ACVR1C: variants seen among roughly 807,000 people sequenced by gnomAD.
The protein encoded by ACVR1C is activin receptor type-1C.
In ACVR1C, 23 loss-of-function variants were observed where a neutral mutation model predicts 57.9. That is an observed-to-expected ratio of 0.40 (90% confidence interval 0.29 to 0.56). The LOEUF is 0.56. Ranked by LOEUF, ACVR1C falls within the 20% of genes least tolerant of loss-of-function variation. The pLI is 0.50. For synonymous variants in ACVR1C, 214 were observed against 215.3 expected, an observed-to-expected ratio of 0.99 and a Z score of 0.05; for missense variants, 480 against 607.9, an observed-to-expected ratio of 0.79 and a Z score of 2.21.
intron 1 of ACVR1C, among the ~76,000 whole-genome samples, chr2:157,588,291 T>A (rs1484990494): frequency 6.6e-6 from 1 of 151,558 alleles, no homozygotes; most frequent in Non-Finnish European, 1.5e-5. Flanking sequence ...CTAACTCACA[T>A]GTCCAAAGTG....
intron 1 of ACVR1C, among the ~76,000 whole-genome samples, chr2:157,621,090 G>A (rs1682761161): frequency 6.6e-6 from 1 of 152,032 alleles, no homozygotes; most frequent in Non-Finnish European, 1.5e-5. Context: ...AATTTAAATT[G>A]TTTTAAAAAA....
At chr2:157,539,105 T>C (rs574081266) in intron 7 of ACVR1C, among the ~76,000 whole-genome samples, 1 of 152,056 alleles carries the variant, frequency 6.6e-6, no homozygotes, top group East Asian at 1.9e-4. Flanking sequence ...ATGCCTACTT[T>C]CTTCTGATTA....
intron 2 of ACVR1C, among the ~76,000 whole-genome samples, chr2:157,563,637 A>G (rs1688293489): frequency 6.6e-6 from 1 of 152,204 alleles, no homozygotes; most frequent in African/African-American, 2.4e-5. Context: ...ATATGGAACC[A>G]AAAAAGAGCC....
chr2:157,611,777 G>T (rs1339794488), intron 1 of ACVR1C, among the ~76,000 whole-genome samples: 1 of 152,144 alleles, frequency 6.6e-6, no homozygotes, highest in African/African-American at 2.4e-5. Context: ...GATGCCAGAG[G>T]TGGTGAAATG....
chr2:157,539,236 G>A (rs997033055), intron 7 of ACVR1C, among the ~76,000 whole-genome samples: 3 of 151,974 alleles, frequency 2.0e-5, no homozygotes, highest in African/African-American at 4.8e-5. Flanking sequence ...TCTTTTTAAC[G>A]TTGGGTTTCT....
At chr2:157,602,132 A>T (rs1196198406) in intron 1 of ACVR1C, among the ~76,000 whole-genome samples, 1 of 150,118 alleles carries the variant, frequency 6.7e-6, no homozygotes. Context: ...TCGTTAAAAT[A>T]AAAAAAAAAT....
intron 2 of ACVR1C, 58 bp downstream of exon 2, chr2:157,587,129 T>A (rs966626735): frequency 7.1e-7 from 1 of 1,409,914 alleles, no homozygotes; most frequent in African/African-American, 1.4e-5. Flanking sequence ...TTCCTACCAT[T>A]CTTATAGTTT....
chr2:157,533,751 C>A lies in ACVR1C; in HGVS notation c.*167G>T. 3 of 482,856 alleles carry A rather than the reference C, an allele frequency of 6.2e-6. No individual in the cohort carries two copies. Among genetic ancestry groups the A allele is most frequent in the Non-Finnish European group, 9.7e-6 (3 of 308,920 alleles). The allele number at this position is 482,856 out of a possible 1,614,324, so 29.9% of individuals were successfully genotyped here. On this transcript the variant is annotated 3_prime_UTR_variant, in exon 9 of 9. Transcript: ENST00000243349. ...GAGATTGGATGAAGTCAACTCCTGC[C>A]CATGCTTAACTTTAGAGTTATCTTT...
At position 157,611,003 on chromosome 2, in the gene ACVR1C, A is replaced by G. The variant is rs573243350; in HGVS notation, c.73+17569T>C. On this transcript the variant is annotated intron_variant, in intron 1 of 8. Transcript: ENST00000243349. ...AGATTCTTTAAACTCAACAATTTGAATTCTTTATCTGGGATTTGTAGAATT... is the reference window on the plus strand; with the variant it reads ...AGATTCTTTAAACTCAACAATTTGAGTTCTTTATCTGGGATTTGTAGAATT... Among the ~76,000 whole-genome samples the G allele has an allele frequency of 1.6e-3, 244 of 152,192 alleles. 1 individual carries two copies. Among genetic ancestry groups the G allele is most frequent in the African/African-American group, 5.7e-3 (238 of 41,536 alleles).
intron 2 of ACVR1C, among the ~76,000 whole-genome samples, chr2:157,570,379 G>A (rs1453683714): frequency 1.8e-5 from 1 of 54,532 alleles, no homozygotes; most frequent in East Asian, 4.1e-4. Flanking sequence ...TCAGGCAGGA[G>A]AAGGAAATAA....
chr2:157,543,915 T>G (rs1035901089), intron 5 of ACVR1C, among the ~76,000 whole-genome samples: 4 of 152,024 alleles, frequency 2.6e-5, no homozygotes, highest in African/African-American at 9.7e-5. Context: ...ATAGAACCAC[T>G]AGGAATAAAT....
At chr2:157,552,083 C>G (rs1401816615) in intron 3 of ACVR1C, among the ~76,000 whole-genome samples, 1 of 152,168 alleles carries the variant, frequency 6.6e-6, no homozygotes, top group Non-Finnish European at 1.5e-5. Flanking sequence ...GCAAACTGTT[C>G]CTGTCTAGAA....
At position 157,529,478 on chromosome 2, in the gene ACVR1C, G is replaced by A. The variant is rs575075107; in HGVS notation, c.*4440C>T. ...ATTCAAGGTAGGTTTAGATGCATGC[G>A]AATTAATTTTTAATCAGTAAAAGTT... is the stretch of plus-strand genomic sequence containing the variant. On this transcript the variant is annotated 3_prime_UTR_variant, in exon 9 of 9. Transcript: ENST00000243349. 3.3e-5 allele frequency: 5 copies of A among 152,148 alleles called. No individual in the cohort carries two copies. The highest frequency in any genetic ancestry group is 4.1e-4 in the South Asian group (2 of 4,828). The allele number at this position is 152,148 out of a possible 1,614,324, so 9.4% of individuals were successfully genotyped here.
intron 1 of ACVR1C, among the ~76,000 whole-genome samples, chr2:157,588,280 A>T (rs1688975745): frequency 6.6e-6 from 1 of 151,424 alleles, no homozygotes; most frequent in South Asian, 2.1e-4. Context: ...CACATTCACC[A>T]CTAACTCACA....
rs762668278 is a variant in ACVR1C, at chr2:157,550,189, G to T, written c.748C>A (p.Leu250Ile). Residue 250 changes from leucine to isoleucine, a missense_variant, in exon 4 of 9, where the codon CTT (leucine) becomes ATT (isoleucine). Coordinates refer to ENST00000243349, the MANE Select transcript of ACVR1C (RefSeq NM_145259.3). Reference sequence around the variant, plus strand: ...TTGTTGTCAGCAGCAATGAAACCAAGGATGTTTTCATGTCGCAGCATGACC... The same window carrying T: ...TTGTTGTCAGCAGCAATGAAACCAATGATGTTTTCATGTCGCAGCATGACC... ...QTVMLRHENI[L>I]GFIAADNKDN... is the part of the protein sequence containing the mutation. 1.2e-6 allele frequency: 2 copies of T among 1,613,978 alleles called. No individual in the cohort carries two copies. The highest frequency in any genetic ancestry group is 2.2e-5 in the South Asian group (2 of 91,078).
intron 1 of ACVR1C, among the ~76,000 whole-genome samples, chr2:157,608,424 A>T (rs1682456212): frequency 1.3e-5 from 2 of 151,934 alleles, no homozygotes; most frequent in African/African-American, 2.4e-5. Context: ...TTTGTTCATC[A>T]GGGATATTGG....
At position 157,541,093 on chromosome 2, in the gene ACVR1C, C is replaced by T. The variant is rs149435555; in HGVS notation, c.1222G>A (p.Gly408Arg). The T allele has an allele frequency of 4.3e-5, 70 of 1,611,390 alleles. No individual in the cohort carries two copies. Among genetic ancestry groups the T allele is most frequent in the East Asian group, 1.8e-4 (8 of 44,858 alleles). The part of the protein sequence containing the change: ...YWEIARRCSV[G>R]GIVEEYQLPY... ...AAGGATATTTCCAAAATTTTACCTC[C>T]GACTGAACACCTCCGGGCTATTTCC... is the stretch of plus-strand genomic sequence containing the variant. Residue 408 changes from glycine (G) to arginine (R), a missense_variant, in exon 7 of 9, where the codon GGA (glycine) becomes AGA (arginine). Physicochemically the swap from Gly to Arg is moderately radical, Grantham distance 125. Coordinates refer to ENST00000243349, the MANE Select transcript of ACVR1C (RefSeq NM_145259.3).
At chr2:157,621,637 C>T (rs941061634) in intron 1 of ACVR1C, among the ~76,000 whole-genome samples, 4 of 152,124 alleles carry the variant, frequency 2.6e-5, no homozygotes, top group African/African-American at 4.8e-5. Flanking sequence ...GAAGAGATCC[C>T]GCCACCTCTT....
intron 2 of ACVR1C, among the ~76,000 whole-genome samples, chr2:157,578,277 A>C (rs372771815): frequency 2.2e-4 from 34 of 152,264 alleles, no homozygotes; most frequent in Middle Eastern, 3.4e-3. Context: ...ATATACTTAC[A>C]TTCTATTCTT....
Sources: gnomAD v4.1 joint callset for allele counts (sites outside exome capture counted in the v4.1 genomes callset) on GRCh38, gnomAD v4.1.1 for gene constraint, MANE v1.5 for transcripts, NCBI Gene and HGNC (gene_info 2026-07-23, HGNC 2026-07-21) for gene names.